The following VAT1L variants were observed in gnomAD, a reference collection of about 807,000 sequenced individuals.
VAT1L encodes vesicle amine transport 1 like.
VAT1L carries 34 observed loss-of-function variants against 44.1 expected under a neutral mutation model. That is an observed-to-expected ratio of 0.77 (90% CI 0.59 to 1.03). VAT1L has a LOEUF of 1.03. Among genes scored for constraint, VAT1L ranks in the 50% least tolerant of loss-of-function variants. VAT1L has a pLI of 0.00. For missense variants in VAT1L, 615 were observed against 538.8 expected, an observed-to-expected ratio of 1.14 and a Z score of -1.40; for synonymous variants, 253 against 202.2, an observed-to-expected ratio of 1.25 and a Z score of -2.13.
At chr16:77,873,808 C>T (rs1045472251) in intron 4 of VAT1L, among the ~76,000 whole-genome samples, 40 of 152,092 alleles carry the variant, frequency 2.6e-4, no homozygotes, top group African/African-American at 9.2e-4. Context: ...CTAAGGAGAG[C>T]AGGGGATAGG....
chr16:77,947,283 C>T (rs1179518464), intron 7 of VAT1L, among the ~76,000 whole-genome samples: 1 of 152,202 alleles, frequency 6.6e-6, no homozygotes, highest in Non-Finnish European at 1.5e-5. Context: ...CCTCAGATCT[C>T]ATGTCTCCTT....
chr16:77,935,377 A>G (rs757917668), intron 7 of VAT1L, among the ~76,000 whole-genome samples: 1 of 151,536 alleles, frequency 6.6e-6, no homozygotes, highest in Admixed American at 6.6e-5. Context: ...GAGAATTACA[A>G]CTCTTTGGGA....
chr16:77,956,966 C>T (rs1420594304), intron 7 of VAT1L, among the ~76,000 whole-genome samples: 1 of 152,028 alleles, frequency 6.6e-6, no homozygotes, highest in Non-Finnish European at 1.5e-5. Context: ...CTAAAAATAC[C>T]ACCTATTCCT....
At chr16:77,827,979 C>T (rs1030034004) in intron 3 of VAT1L, among the ~76,000 whole-genome samples, 1 of 152,178 alleles carries the variant, frequency 6.6e-6, no homozygotes, top group Non-Finnish European at 1.5e-5. Flanking sequence ...GTTTAATCTT[C>T]AGGCAGAGTT....
At chr16:77,967,370 G>A (rs574112416) in intron 7 of VAT1L, among the ~76,000 whole-genome samples, 1 of 152,206 alleles carries the variant, frequency 6.6e-6, no homozygotes, top group African/African-American at 2.4e-5. Context: ...GGCTTGGTGT[G>A]TGTGGATAAA....
chr16:77,845,581 C>A (rs2016750567), intron 3 of VAT1L, among the ~76,000 whole-genome samples: 1 of 152,154 alleles, frequency 6.6e-6, no homozygotes, highest in South Asian at 2.1e-4. Flanking sequence ...AATTCAAACC[C>A]TTTGAACAAG....
chr16:77,863,369 C>T (rs750587780), intron 4 of VAT1L, among the ~76,000 whole-genome samples: 3 of 152,234 alleles, frequency 2.0e-5, no homozygotes, highest in Non-Finnish European at 2.9e-5. Context: ...CCAGAAAGAA[C>T]ACACACCCTT....
intron 7 of VAT1L, among the ~76,000 whole-genome samples, chr16:77,922,922 TTCCGG>T (rs1162715314): frequency 1.5e-4 from 23 of 152,144 alleles, no homozygotes; most frequent in Non-Finnish European, 1.6e-4. Context: ...ATAATGCAGA[TTCCGG>T]GACCTCAACC....
intron 3 of VAT1L, among the ~76,000 whole-genome samples, chr16:77,850,686 A>G (rs1004533763): frequency 6.6e-5 from 10 of 151,892 alleles, no homozygotes; most frequent in African/African-American, 2.4e-4. Context: ...AGACGCATTT[A>G]TCAAAACCAC....
chr16:77,905,225 C>T (rs906838986), intron 7 of VAT1L, among the ~76,000 whole-genome samples: 1 of 152,112 alleles, frequency 6.6e-6, no homozygotes, highest in Non-Finnish European at 1.5e-5. Context: ...AATAATTTTC[C>T]TATGGCTAAA....
intron 1 of VAT1L, among the ~76,000 whole-genome samples, chr16:77,797,342 C>G (rs184432502): frequency 8.3e-4 from 126 of 152,232 alleles, no homozygotes; most frequent in African/African-American, 2.9e-3. Flanking sequence ...AACTCCTGAC[C>G]TCAGGTGATC....
intron 3 of VAT1L, among the ~76,000 whole-genome samples, chr16:77,855,487 T>C (rs1191217796): frequency 6.6e-6 from 1 of 152,190 alleles, no homozygotes; most frequent in Admixed American, 6.5e-5. Context: ...TCCACTTTAA[T>C]GCATGCCCTT....
intron 7 of VAT1L, among the ~76,000 whole-genome samples, chr16:77,963,007 T>G (rs2018180522): frequency 6.6e-6 from 1 of 152,140 alleles, no homozygotes; most frequent in African/African-American, 2.4e-5. Context: ...TAGACAGCTT[T>G]CAGAAATCGA....
At chr16:77,891,980 G>C (rs377322909) in intron 7 of VAT1L, among the ~76,000 whole-genome samples, 1 of 152,160 alleles carries the variant, frequency 6.6e-6, no homozygotes, top group African/African-American at 2.4e-5. Flanking sequence ...GCTGAGGCAG[G>C]AGAATCACTT....
At chr16:77,955,201 A>G (rs2018089185) in intron 7 of VAT1L, among the ~76,000 whole-genome samples, 1 of 152,206 alleles carries the variant, frequency 6.6e-6, no homozygotes, top group Non-Finnish European at 1.5e-5. Flanking sequence ...GAGATATAGA[A>G]AAAGTTTTTA....
At chr16:77,903,734 CTTTTTT>C (rs552342074) in intron 7 of VAT1L, among the ~76,000 whole-genome samples, 1 of 124,364 alleles carries the variant, frequency 8.0e-6, no homozygotes, top group African/African-American at 3.0e-5. Context: ...TCTCTCATTA[CTTTTTT>C]TTTTTTTTTT....
At chr16:77,843,598 A>G (rs2016728985) in intron 3 of VAT1L, among the ~76,000 whole-genome samples, 1 of 152,160 alleles carries the variant, frequency 6.6e-6, no homozygotes, top group Non-Finnish European at 1.5e-5. Context: ...AACGGGAAAT[A>G]TTTTAAGCCT....
intron 7 of VAT1L, among the ~76,000 whole-genome samples, chr16:77,901,185 A>C (rs537853586): frequency 2.1e-5 from 2 of 95,122 alleles, no homozygotes; most frequent in African/African-American, 5.5e-5. Flanking sequence ...TTTTTTTTTA[A>C]GACAGTCTTG....
rs529767592 is a variant in VAT1L, at chr16:77,822,862, G to T, written c.364-2384G>T. 2.3e-3 allele frequency among the ~76,000 whole-genome samples: 346 copies of T among 152,264 alleles called. 2 individuals are homozygous for T. The highest frequency in any genetic ancestry group is 7.8e-3 in the African/African-American group (326 of 41,558). On this transcript the variant is annotated intron_variant, in intron 2 of 8. Coordinates refer to ENST00000302536, the MANE Select transcript of VAT1L (RefSeq NM_020927.3). ...AGAGCAATTTGATTCTGTGGTTCAGGTGTCTTTTCTGAATTAGGTAACCCG... is the reference window on the plus strand; with the variant it reads ...AGAGCAATTTGATTCTGTGGTTCAGTTGTCTTTTCTGAATTAGGTAACCCG...
Sources: allele counts gnomAD v4.1 joint callset (sites outside exome capture counted in the v4.1 genomes callset), GRCh38; gene constraint gnomAD v4.1.1; transcripts MANE v1.5; gene names NCBI Gene and HGNC (gene_info 2026-07-23, HGNC 2026-07-21).